Variants in TRIM54 observed in about 807,000 individuals in gnomAD.
TRIM54 encodes tripartite motif-containing protein 54.
In TRIM54, 40 loss-of-function variants were observed where a neutral mutation model predicts 42.0. The ratio of observed to expected loss-of-function variants is 0.95; its 90% CI spans 0.74 to 1.24. The LOEUF (loss-of-function observed/expected upper bound fraction) is 1.24, where lower values mean the gene tolerates loss of function less well. Ranked by LOEUF, TRIM54 falls within the 50% of genes most tolerant of loss-of-function variation. The pLI, the probability that TRIM54 is intolerant of heterozygous loss-of-function variation, is 0.00. For synonymous variants in TRIM54, 199 were observed against 194.9 expected, an observed-to-expected ratio of 1.02 and a Z score of -0.17; for missense variants, 485 against 480.3, an observed-to-expected ratio of 1.01 and a Z score of -0.09.
intron 1 of TRIM54, among the ~76,000 whole-genome samples, chr2:27,283,772 A>ACGTGCGCGCG (rs1413594548): frequency 8.9e-6 from 1 of 112,088 alleles, no homozygotes; most frequent in Admixed American, 9.1e-5. Flanking sequence ...AGGCACACAC[A>ACGTGCGCGCG]CACACACGCG....
At chr2:27,301,084 G>A (rs1417672991) in intron 3 of TRIM54, among the ~76,000 whole-genome samples, 1 of 149,682 alleles carries the variant, frequency 6.7e-6, no homozygotes, top group African/African-American at 2.5e-5. Context: ...AAAGGAATAA[G>A]ACAATGGCCA....
chr2:27,306,488 G>C lies in TRIM54; in HGVS notation c.1024G>C (p.Asp342His). 6.3e-7 allele frequency: 1 copy of C among 1,585,892 alleles called. No individual in the cohort carries two copies. Residue 342 changes from aspartate to histidine, a missense_variant, in exon 8 of 9, where the codon GAC becomes CAC. Transcript: ENST00000380075. This position sits in a 1 kb window ranked among gnomAD's most constrained non-coding sequence, Gnocchi z 6.1. ...ASGEEEEVAP[D>H]GEEGSAGPEE... ...CGGGGAGGAAGAGGAGGTGGCCCCA[G>C]ACGGAGAGGAGGGCAGCGCGGGGCC...
intron 1 of TRIM54, 127 bp downstream of exon 1, chr2:27,283,026 G>A: frequency 9.1e-7 from 1 of 1,100,084 alleles, no homozygotes; most frequent in Non-Finnish European, 1.3e-6. Flanking sequence ...TGGCTGTTGT[G>A]GCTGGAGAGC....
Position 27,306,528 on chromosome 2 carries a change from C to G in TRIM54, c.1064C>G (p.Pro355Arg). 1 of 1,555,906 alleles carries G rather than the reference C, an allele frequency of 6.4e-7. No individual in the cohort carries two copies. Among genetic ancestry groups the G allele is most frequent in the Non-Finnish European group, 8.7e-7 (1 of 1,149,964 alleles). ...AGCGCGGGGCCGGAGGAAGAGCGGC[C>G]GGATGGGCCTTAAGGTGAGAGCCGC... ...EGSAGPEEER[P>R]DGP Residue 355 changes from proline to arginine, a missense_variant, in exon 8 of 9, where the codon CCG becomes CGG. Pro to Arg is a moderately radical substitution (Grantham distance 103). Transcript: ENST00000380075. The surrounding 1 kb of genome is among the most constrained non-coding windows in gnomAD (Gnocchi z 6.1).
chr2:27,284,061 A>C (rs1227351863), intron 1 of TRIM54, among the ~76,000 whole-genome samples: 1 of 152,066 alleles, frequency 6.6e-6, no homozygotes, highest in Non-Finnish European at 1.5e-5. Flanking sequence ...TGAACCCAGG[A>C]GGTGGAGGTT....
chr2:27,291,823 T>A (rs1404806667), intron 1 of TRIM54, among the ~76,000 whole-genome samples: 1 of 152,266 alleles, frequency 6.6e-6, no homozygotes, highest in East Asian at 1.9e-4. Context: ...GACGGAGATA[T>A]GGCAGGAGAA....
chr2:27,299,666 G>A (rs1234357729), intron 3 of TRIM54: 10 of 657,842 alleles, frequency 1.5e-5, no homozygotes, highest in Non-Finnish European at 2.3e-5. Flanking sequence ...GTGAGCCACC[G>A]CACTCAGCCC....
Position 27,306,624 on chromosome 2 carries a change from TC to T in TRIM54, c.*1+87del. 7.5e-7 allele frequency: 1 copy of T among 1,333,702 alleles called. No individual in the cohort carries two copies. Among genetic ancestry groups the T allele is most frequent in the Non-Finnish European group, 1.0e-6 (1 of 991,656 alleles). 82.6% of individuals were successfully genotyped at this position (1,333,702 alleles called of 1,614,324 possible). ...GCCTGGCTGGTGTGCTCGCGTCCCC[TC>T]CCCCAGTGATTGCCCTCCCTGCGGG... On this transcript the variant is annotated intron_variant, in intron 8 of 8. Coordinates refer to ENST00000380075, the MANE Select transcript of TRIM54 (RefSeq NM_187841.3). This position sits in a 1 kb window ranked among gnomAD's most constrained non-coding sequence, Gnocchi z 6.1.
Position 27,282,800 on chromosome 2 carries a change from G to A in TRIM54, c.69G>A (p.Gln23=). 1.2e-6 allele frequency: 2 copies of A among 1,614,028 alleles called. No individual in the cohort carries two copies. Among genetic ancestry groups the A allele is most frequent in the Admixed American group, 3.3e-5 (2 of 60,014 alleles). The change falls in exon 1 of 9, where the codon CAG becomes CAA. Residue 23 remains glutamine (Q), a synonymous_variant. Coordinates refer to ENST00000380075, the MANE Select transcript of TRIM54 (RefSeq NM_187841.3). The part of the protein sequence containing the change: ...DAHSMDNLEK[Q]LICPICLEMF... ...ACAGCATGGACAACCTGGAGAAGCA[G>A]CTCATCTGCCCCATCTGCCTGGAGA...
At chr2:27,297,144 T>C (rs960018296) in intron 1 of TRIM54, among the ~76,000 whole-genome samples, 6 of 152,226 alleles carry the variant, frequency 3.9e-5, no homozygotes, top group South Asian at 4.1e-4. Context: ...ATAAGCAGTG[T>C]CTGCCAGTCT....
At chr2:27,290,199 A>T (rs183882865) in intron 1 of TRIM54, among the ~76,000 whole-genome samples, 4,459 of 152,034 alleles carry the variant, frequency 0.029, 165 homozygotes, top group African/African-American at 0.087. Flanking sequence ...CTTAAAAAAA[A>T]TTTTTTTAAT....
intron 1 of TRIM54, among the ~76,000 whole-genome samples, chr2:27,296,129 C>A (rs1280091290): frequency 6.6e-6 from 1 of 152,208 alleles, no homozygotes; most frequent in Non-Finnish European, 1.5e-5. Context: ...CACAGTGGGT[C>A]CACGTTTCCT....
chr2:27,305,083 C>CAGCA (rs1033120943), intron 4 of TRIM54, 29 bp downstream of exon 4: 1 of 1,590,630 alleles, frequency 6.3e-7, no homozygotes, highest in Non-Finnish European at 8.6e-7. Context: ...GAGGGAGGAA[C>CAGCA]AGCAACTGGC....
chr2:27,289,625 C>T (rs1263574990), intron 1 of TRIM54, among the ~76,000 whole-genome samples: 1 of 151,992 alleles, frequency 6.6e-6, no homozygotes, highest in Non-Finnish European at 1.5e-5. Flanking sequence ...CCAGATTTTA[C>T]TCTTTTTATG....
Position 27,306,594 on chromosome 2 carries a change from G to C in TRIM54, c.*1+52G>C. 6.8e-7 allele frequency: 1 copy of C among 1,470,956 alleles called. No individual in the cohort carries two copies. Among genetic ancestry groups the C allele is most frequent in the Non-Finnish European group, 9.1e-7 (1 of 1,104,866 alleles). 91.1% of individuals were successfully genotyped at this position (1,470,956 alleles called of 1,614,324 possible). A position where few individuals can be genotyped will look rare whatever the true frequency, so the allele number is the denominator to read the frequency against. The stretch of plus-strand genomic sequence containing the variant: ...GTGAGAGCGGCCTGAGGGGCTTGGG[G>C]TGGGGCCTGGCTGGTGTGCTCGCGT... On this transcript the variant is annotated intron_variant, in intron 8 of 8. Transcript: ENST00000380075. The surrounding 1 kb of genome is among the most constrained non-coding windows in gnomAD (Gnocchi z 6.1).
chr2:27,298,707 C>A lies in TRIM54; in HGVS notation c.309C>A (p.Asn103Lys), dbSNP rs1243974621. ...TGCAGCGAAACCTGCTAGTGGAGAA[C>A]ATTATCGACATTTACAAGCAGGAGT... ...YGLQRNLLVE[N>K]IIDIYKQESS... is the part of the protein sequence containing the mutation. Residue 103 changes from asparagine to lysine, a missense_variant, in exon 2 of 9, where the codon AAC (asparagine) becomes AAA (lysine). Asn to Lys is a moderately conservative substitution (Grantham distance 94). Coordinates refer to ENST00000380075, the MANE Select transcript of TRIM54 (RefSeq NM_187841.3). The A allele has an allele frequency of 6.2e-7, 1 of 1,613,984 alleles. No homozygotes were observed. Among genetic ancestry groups the A allele is most frequent in the African/African-American group, 1.3e-5 (1 of 74,904 alleles).
intron 2 of TRIM54, 138 bp downstream of exon 2, chr2:27,298,877 G>T: frequency 1.0e-6 from 1 of 969,230 alleles, no homozygotes. Context: ...GATCCGGAGA[G>T]GGACTTGCCT....
Position 27,307,419 on chromosome 2 carries a change from T to TA in TRIM54, c.*540dup, listed in dbSNP as rs1679258126. The TA allele has an allele frequency of 1.3e-6, 2 of 1,526,292 alleles. No homozygotes were observed. The highest frequency in any genetic ancestry group is 1.8e-6 in the Non-Finnish European group (2 of 1,138,310). The allele number at this position is 1,526,292 out of a possible 1,614,324, so 94.5% of individuals were successfully genotyped here. ...GCCAACGGGTCTTCAGTACTTTTATTAAAAAATAGTCACGCAGACAGTGCC... is the reference window on the plus strand; with the variant it reads ...GCCAACGGGTCTTCAGTACTTTTATTAAAAAAATAGTCACGCAGACAGTGCC... On this transcript the variant is annotated 3_prime_UTR_variant, in exon 9 of 9. Transcript: ENST00000380075. This position sits in a 1 kb window ranked among gnomAD's most constrained non-coding sequence, Gnocchi z 6.9.
intron 1 of TRIM54, among the ~76,000 whole-genome samples, chr2:27,283,784 G>GCGCGCGCGCACACACACA (rs367621533): frequency 4.5e-5 from 6 of 132,198 alleles, no homozygotes; most frequent in South Asian, 5.0e-4. Context: ...ACACACGCGC[G>GCGCGCGCGCACACACACA]CACACACACA....
Sources: allele counts gnomAD v4.1 joint callset (sites outside exome capture counted in the v4.1 genomes callset), GRCh38; gene constraint gnomAD v4.1.1; non-coding constraint Gnocchi (gnomAD v3.1); transcripts MANE v1.5; gene names NCBI Gene and HGNC (gene_info 2026-07-23, HGNC 2026-07-21).